The following VWA3A variants were observed in gnomAD, a reference collection of about 807,000 sequenced individuals.
The protein encoded by VWA3A is von Willebrand factor A domain-containing protein 3A.
In VWA3A, 134 loss-of-function variants were observed where a neutral mutation model predicts 160.4. The observed-to-expected ratio is 0.84, with a 90% CI of 0.73 to 0.96. The LOEUF is 0.96. VWA3A is among the 40% of genes least tolerant of loss of function. The pLI, the probability that VWA3A is intolerant of heterozygous loss-of-function variation, is 0.00. For missense variants in VWA3A, 1,310 were observed against 1,447.9 expected (o/e 0.90, Z 1.55); for synonymous variants, 476 against 543.4 (o/e 0.88, Z 1.72).
intron 10 of VWA3A, 86 bp from the exon 11 acceptor site, chr16:22,117,025 A>C: frequency 6.7e-7 from 1 of 1,487,282 alleles, no homozygotes; most frequent in African/African-American, 1.4e-5. Flanking sequence ...GAAGCTTTGG[A>C]TAATTGGGAG....
At chr16:22,140,670 G>A (rs916664926) in intron 23 of VWA3A, among the ~76,000 whole-genome samples, 30 of 148,626 alleles carry the variant, frequency 2.0e-4, no homozygotes, top group East Asian at 4.0e-4. Flanking sequence ...GAGTGCAGTC[G>A]TGTCATCTCA....
chr16:22,147,508 CTA>C, intron 27 of VWA3A: 1 of 699,480 alleles, frequency 1.4e-6, no homozygotes, highest in East Asian at 2.7e-5. Context: ...GAAGGGAGTC[CTA>C]TATAGAGATC....
chr16:22,106,791 T>C (rs1043843949), intron 6 of VWA3A, among the ~76,000 whole-genome samples: 1 of 152,206 alleles, frequency 6.6e-6, no homozygotes, highest in Non-Finnish European at 1.5e-5. Context: ...ACAACCGCTC[T>C]GGGCGAGAAC....
In VWA3A at chr16:22,121,069, T is replaced by C. The variant is rs2045725937; in HGVS notation, c.1218T>C (p.Thr406=). 1 of 1,613,856 alleles carries C rather than the reference T, an allele frequency of 6.2e-7. No homozygotes were observed. The highest frequency in any genetic ancestry group is 1.3e-5 in the African/African-American group (1 of 74,928). ...LTIEFPNLDK[T]SAEWLKVNGL... is the part of the protein sequence containing the mutation. Reference sequence around the variant, plus strand: ...TTGAGTTTCCAAACTTGGACAAGACTTCTGCAGAGTGGCTTAAGGTCAATG... The same window carrying C: ...TTGAGTTTCCAAACTTGGACAAGACCTCTGCAGAGTGGCTTAAGGTCAATG... The change falls in exon 13 of 34, where the codon ACT becomes ACC. Residue 406 remains threonine (T), a synonymous_variant. Transcript: ENST00000389398.
intron 11 of VWA3A, among the ~76,000 whole-genome samples, chr16:22,117,668 C>G (rs2045669916): frequency 6.6e-6 from 1 of 152,332 alleles, no homozygotes. Flanking sequence ...CATCAGCCAC[C>G]CTGTGTTCAC....
At position 22,121,641 on chromosome 16, in the gene VWA3A, C is replaced by T; in HGVS notation, c.1356+24C>T. 2.6e-6 allele frequency: 4 copies of T among 1,568,116 alleles called. No homozygotes were observed. In the South Asian group the frequency reaches 4.4e-5, roughly 17 times the overall value. On this transcript the variant is annotated intron_variant, in intron 14 of 33. Coordinates refer to ENST00000389398, the MANE Select transcript of VWA3A (RefSeq NM_173615.5). The stretch of plus-strand genomic sequence containing the variant: ...AGGTAATTCAGATTCATAATTCTCT[C>T]CAGTCCTCCACAGGAGAGCTCCCTT...
chr16:22,154,990 A>G (rs2046415636), intron 31 of VWA3A, among the ~76,000 whole-genome samples: 1 of 128,602 alleles, frequency 7.8e-6, no homozygotes, highest in African/African-American at 3.2e-5. Flanking sequence ...AAAAAAAAAA[A>G]AAAAAAAGCA....
At chr16:22,112,399 C>T (rs750686198) in intron 8 of VWA3A, among the ~76,000 whole-genome samples, 4 of 152,276 alleles carry the variant, frequency 2.6e-5, no homozygotes, top group East Asian at 1.9e-4. Context: ...GGTAGAGCCA[C>T]GATGGGATTC....
chr16:22,144,951 T>C (rs2046222248), intron 26 of VWA3A, among the ~76,000 whole-genome samples: 1 of 152,052 alleles, frequency 6.6e-6, no homozygotes, highest in South Asian at 2.1e-4. Flanking sequence ...AAAATAGCAA[T>C]TGCTGAGAAG....
intron 21 of VWA3A, 25 bp from the exon 22 acceptor site, chr16:22,138,335 A>C (rs775556198): frequency 6.4e-7 from 1 of 1,564,114 alleles, no homozygotes; most frequent in East Asian, 2.4e-5. Context: ...TGGGGGTGCC[A>C]CTGACCCTCC....
chr16:22,123,201 G>A (rs1172188213), intron 15 of VWA3A, 36 bp downstream of exon 15: 3 of 1,559,434 alleles, frequency 1.9e-6, no homozygotes, highest in East Asian at 2.3e-5. Context: ...AAAATGGGGT[G>A]CAGAAAGTGG....
chr16:22,092,739 C>G (rs945820491), intron 1 of VWA3A, 88 bp downstream of exon 1: 2 of 1,512,148 alleles, frequency 1.3e-6, no homozygotes, highest in African/African-American at 1.4e-5. Context: ...GTGAGAAGAT[C>G]GAGGGAGCTT....
In VWA3A at chr16:22,096,910, C is replaced by T. The variant is rs1467546395; in HGVS notation, c.66C>T (p.Phe22=). ...TGGCTACACAAACTAGTCATGTCTT[C>T]CATGGTCAAGAAAATATGTTTCTGG... is the stretch of plus-strand genomic sequence containing the variant. The part of the protein sequence containing the change: ...FAMATQTSHV[F]HGQENMFLEN... The change falls in exon 2 of 34, where the codon TTC becomes TTT. Residue 22 remains phenylalanine (F), a synonymous_variant. Coordinates refer to ENST00000389398, the MANE Select transcript of VWA3A (RefSeq NM_173615.5). 1 of 1,549,654 alleles carries T rather than the reference C, an allele frequency of 6.5e-7. No individual in the cohort carries two copies. Among genetic ancestry groups the T allele is most frequent in the Non-Finnish European group, 8.7e-7 (1 of 1,145,920 alleles).
chr16:22,144,484 A>C, intron 26 of VWA3A, 100 bp downstream of exon 26: 1 of 1,483,112 alleles, frequency 6.7e-7, no homozygotes, highest in Non-Finnish European at 9.0e-7. Context: ...TTCTGCTTGT[A>C]GGAACTGCCC....
rs1275975290 is a variant in VWA3A, at chr16:22,096,873, G to A, written c.29G>A (p.Gly10Glu). 1.3e-6 allele frequency: 2 copies of A among 1,547,076 alleles called. No individual in the cohort carries two copies. Among genetic ancestry groups the A allele is most frequent in the Non-Finnish European group, 1.7e-6 (2 of 1,143,352 alleles). MKKYRKISI[G>E]CFAMATQTSH... ...TTCTTCTTTAGGAAAATAAGCATTG[G>A]GTGTTTTGCAATGGCTACACAAACT... The change falls in exon 2 of 34, where the codon GGG becomes GAG. Residue 10 changes from glycine to glutamate, a missense_variant. Transcript: ENST00000389398.
chr16:22,116,476 A>C (rs1213576994), intron 9 of VWA3A: 1 of 510,250 alleles, frequency 2.0e-6, no homozygotes, highest in Non-Finnish European at 3.6e-6. Flanking sequence ...GAAGAGAGAG[A>C]AAGAAAAGAA....
Position 22,123,631 on chromosome 16 carries a change from A to C in VWA3A, c.1456A>C (p.Met486Leu). The C allele has an allele frequency of 2.5e-6, 4 of 1,613,970 alleles. No homozygotes were observed. Among genetic ancestry groups the C allele is most frequent in the Non-Finnish European group, 3.4e-6 (4 of 1,179,868 alleles). ...YKYQQQLSRA[M>L]RMYERRIEWL... is the part of the protein sequence containing the mutation. Reference sequence around the variant, plus strand: ...TCTGCAGCAACAGCTCAGCAGAGCTATGCGGATGTATGAGAGGCGGATTGA... The same window carrying C: ...TCTGCAGCAACAGCTCAGCAGAGCTCTGCGGATGTATGAGAGGCGGATTGA... The change falls in exon 16 of 34, where the codon ATG (methionine) becomes CTG (leucine). Residue 486 changes from methionine (M) to leucine (L), a missense_variant. Coordinates refer to ENST00000389398, the MANE Select transcript of VWA3A (RefSeq NM_173615.5).
intron 22 of VWA3A, 64 bp downstream of exon 22, chr16:22,138,576 T>C: frequency 6.3e-7 from 1 of 1,598,412 alleles, no homozygotes; most frequent in Non-Finnish European, 8.5e-7. Context: ...TGGTCTTTCC[T>C]GGGTCTTAAA....
At chr16:22,122,281 G>GGA (rs2045753592) in intron 14 of VWA3A, among the ~76,000 whole-genome samples, 5 of 146,652 alleles carry the variant, frequency 3.4e-5, no homozygotes, top group African/African-American at 1.3e-4. Flanking sequence ...GGATGGATGG[G>GGA]TGGATGGATG....
Sources: allele counts gnomAD v4.1 joint callset (sites outside exome capture counted in the v4.1 genomes callset), GRCh38; gene constraint gnomAD v4.1.1; transcripts MANE v1.5; gene names NCBI Gene and HGNC (gene_info 2026-07-23, HGNC 2026-07-21).